Variants in INSL6 observed in about 807,000 individuals in gnomAD.
The protein encoded by INSL6 is insulin-like peptide INSL6.
Under a neutral mutation model 9.4 loss-of-function variants are expected in INSL6, and 16 were observed. That is an observed-to-expected ratio of 1.70 (90% CI 1.15 to 2.59). The LOEUF is 2.59. INSL6 is among the 30% of genes most tolerant of loss of function. The pLI is 0.00. For missense variants in INSL6, 391 were observed against 257.3 expected (o/e 1.52, Z -3.56); for synonymous variants, 154 against 96.9 (o/e 1.59, Z -3.46).
At chr9:5,036,576 A>T in the INSL6 span, among the ~76,000 whole-genome samples, 1 of 152,236 alleles carries the variant, frequency 6.6e-6, no homozygotes, top group Non-Finnish European at 1.5e-5. Flanking sequence ...CAACCATCTG[A>T]TCTTTGACAA....
At chr9:5,129,590 C>CCAAA (rs1222606325) in intron 3 of INSL6, among the ~76,000 whole-genome samples, 1 of 151,904 alleles carries the variant, frequency 6.6e-6, no homozygotes, top group East Asian at 1.9e-4. Context: ...GCAGGATTAT[C>CCAAA]CAAACAAAAG....
chr9:5,090,528 A>G, the INSL6 span: 1 of 1,597,172 alleles, frequency 6.3e-7, no homozygotes, highest in Non-Finnish European at 8.5e-7. Context: ...AAGAACGGAT[A>G]GATCACATAA....
intron 3 of INSL6, among the ~76,000 whole-genome samples, chr9:5,129,653 A>G (rs1018940125): frequency 2.6e-5 from 4 of 152,116 alleles, no homozygotes; most frequent in African/African-American, 9.7e-5. Context: ...TAAAGTATGA[A>G]TATCAGAAAT....
At chr9:5,109,162 A>C in the INSL6 span, 2 of 152,140 alleles carry the variant, frequency 1.3e-5, no homozygotes, top group Non-Finnish European at 2.9e-5. Context: ...ATCACAACAC[A>C]ATGAGGGACA....
chr9:5,063,211 C>CT, the INSL6 span, among the ~76,000 whole-genome samples: 1 of 152,100 alleles, frequency 6.6e-6, no homozygotes, highest in Non-Finnish European at 1.5e-5. Flanking sequence ...TCTTATATAA[C>CT]TTTTTCCAGG....
At chr9:5,064,167 C>CA in the INSL6 span, among the ~76,000 whole-genome samples, 2 of 150,890 alleles carry the variant, frequency 1.3e-5, no homozygotes, top group Non-Finnish European at 3.0e-5. Context: ...GCGGGGGCCA[C>CA]AAAAAAATCA....
At chr9:5,107,459 T>C in the INSL6 span, among the ~76,000 whole-genome samples, 5 of 152,270 alleles carry the variant, frequency 3.3e-5, no homozygotes, top group Admixed American at 6.5e-5. Flanking sequence ...CCATGAGCTA[T>C]TCAAACAAAT....
chr9:5,161,789 A>C (rs1385485975), downstream of INSL6, among the ~76,000 whole-genome samples: 1 of 152,176 alleles, frequency 6.6e-6, no homozygotes, highest in African/African-American at 2.4e-5. Flanking sequence ...TCTATGTGCC[A>C]AGAGCAAACA....
At chr9:5,172,067 C>T (rs1433363986) in intron 1 of INSL6, among the ~76,000 whole-genome samples, 4 of 152,154 alleles carry the variant, frequency 2.6e-5, no homozygotes, top group Non-Finnish European at 5.9e-5. Context: ...GGAGGCATCA[C>T]ACTACTGGAC....
the INSL6 span, chr9:5,112,160 TG>T: frequency 3.5e-6 from 1 of 284,400 alleles, no homozygotes. Flanking sequence ...GTGCACACGC[TG>T]CTACCCGGCC....
At chr9:5,092,347 C>A in the INSL6 span, among the ~76,000 whole-genome samples, 2 of 152,104 alleles carry the variant, frequency 1.3e-5, no homozygotes, top group African/African-American at 4.8e-5. Context: ...ATTCTCTATA[C>A]ATGAATAGAG....
intron 1 of INSL6, among the ~76,000 whole-genome samples, chr9:5,182,862 T>C (rs1190594634): frequency 2.6e-5 from 4 of 152,200 alleles, no homozygotes; most frequent in African/African-American, 9.7e-5. Context: ...TTGGAGATAC[T>C]GCCTCCACCT....
the INSL6 span, chr9:5,081,888 G>C: frequency 5.7e-6 from 9 of 1,573,496 alleles, no homozygotes; most frequent in East Asian, 2.2e-5. Flanking sequence ...TTTTCAAATA[G>C]AGTATAATCA....
the INSL6 span, among the ~76,000 whole-genome samples, chr9:5,087,245 C>A: frequency 1.3e-5 from 2 of 152,292 alleles, no homozygotes; most frequent in East Asian, 3.9e-4. Context: ...ACAGTCATGG[C>A]AGAAGGCACC....
At chr9:5,064,038 C>T in the INSL6 span, among the ~76,000 whole-genome samples, 1 of 152,048 alleles carries the variant, frequency 6.6e-6, no homozygotes, top group Non-Finnish European at 1.5e-5. Context: ...TGCCTGTAAT[C>T]CCAGCTTTTT....
chr9:5,021,865 T>C, the INSL6 span: 1 of 648,464 alleles, frequency 1.5e-6, no homozygotes, highest in Non-Finnish European at 2.7e-6. Flanking sequence ...ACTTCTGGGC[T>C]CAAGCTATCT....
chr9:5,112,808 C>G, the INSL6 span: 3 of 549,882 alleles, frequency 5.5e-6, no homozygotes, highest in Non-Finnish European at 8.8e-6. Context: ...AGCTGCCCAC[C>G]TGGGCTTGAG....
the INSL6 span, among the ~76,000 whole-genome samples, chr9:5,030,944 T>C: frequency 5.9e-5 from 9 of 152,146 alleles, no homozygotes; most frequent in East Asian, 1.9e-4. Context: ...AGCATTCTTA[T>C]ATGCAAGCAA....
downstream of INSL6, among the ~76,000 whole-genome samples, chr9:5,119,435 A>C (rs1471594442): frequency 2.0e-5 from 3 of 152,174 alleles, no homozygotes; most frequent in Non-Finnish European, 2.9e-5. Context: ...AGCCTAAAAA[A>C]AAAAGGCTTC....
Sources: gnomAD v4.1 joint callset for allele counts (sites outside exome capture counted in the v4.1 genomes callset) on GRCh38, gnomAD v4.1.1 for gene constraint, MANE v1.5 for transcripts, NCBI Gene and HGNC (gene_info 2026-07-23, HGNC 2026-07-21) for gene names.